AKAP9: variants seen among roughly 807,000 people sequenced by gnomAD.
AKAP9 encodes the protein A-kinase anchor protein 9.
AKAP9 carries 311 observed loss-of-function variants against 488.5 expected under a neutral mutation model. That is an observed-to-expected ratio of 0.64 (90% CI 0.58 to 0.70). The LOEUF is 0.70. Ranked by LOEUF, AKAP9 falls within the 30% of genes least tolerant of loss-of-function variation. The pLI is 0.00. For missense variants in AKAP9, 4,215 were observed against 4,374.5 expected (o/e 0.96, Z 1.03); for synonymous variants, 1,462 against 1,483.5 (o/e 0.99, Z 0.33).
chr7:92,061,196 A>G (rs1809719292), intron 22 of AKAP9, 64 bp from the exon 23 acceptor site: 1 of 1,572,266 alleles, frequency 6.4e-7, no homozygotes, highest in Admixed American at 1.7e-5. Context: ...CAGCTTTAAT[A>G]GGGAATGAAA....
intron 1 of AKAP9, among the ~76,000 whole-genome samples, chr7:91,953,231 G>A (rs1285527919): frequency 6.6e-6 from 1 of 152,114 alleles, no homozygotes; most frequent in Non-Finnish European, 1.5e-5. Context: ...ATGGAGAGGA[G>A]GTTTCTGTTA....
In AKAP9 at chr7:92,001,389, T is replaced by C. The variant is rs1420829077; in HGVS notation, c.1472T>C (p.Met491Thr). The C allele has an allele frequency of 6.2e-6, 10 of 1,613,816 alleles. No homozygotes were observed. Among genetic ancestry groups the C allele is most frequent in the South Asian group, 1.1e-5 (1 of 91,076 alleles). The change falls in exon 8 of 50, where the codon ATG (methionine) becomes ACG (threonine). Residue 491 changes from methionine to threonine, a missense_variant. By Grantham distance (81) the Met-to-Thr change is moderately conservative. Around this residue, in one of 5 missense-constraint regions of AKAP9, gnomAD observed 2,361 missense variants for 2,430.0 expected, o/e 0.97. Transcript: ENST00000356239. Reference sequence around the variant, plus strand: ...GTTAATGAAGATCAGATAAAGTTAATGAATGTGGCAATAAATGAACTGAAT... The same window carrying C: ...GTTAATGAAGATCAGATAAAGTTAACGAATGTGGCAATAAATGAACTGAAT... ...ITVNEDQIKL[M>T]NVAINELNIK...
chr7:91,972,664 A>G (rs7806184), intron 1 of AKAP9, among the ~76,000 whole-genome samples: 60,768 of 152,072 alleles, frequency 0.4, 12,440 homozygotes, highest in African/African-American at 0.46. Flanking sequence ...AGCGAAGGCA[A>G]CTTGCTTCTG....
In AKAP9 at chr7:91,994,614, C is replaced by T; in HGVS notation, c.577-7C>T. 6.2e-7 allele frequency: 1 copy of T among 1,609,034 alleles called. No individual in the cohort carries two copies. The highest frequency in any genetic ancestry group is 1.1e-5 in the South Asian group (1 of 89,852). Reference sequence around the variant, plus strand: ...AAATAAATCTAGCACTTACTATTTTCTTTCAGTTACAAGAATTTGAAGCTG... The same window carrying T: ...AAATAAATCTAGCACTTACTATTTTTTTTCAGTTACAAGAATTTGAAGCTG... On this transcript the variant is annotated splice_polypyrimidine_tract_variant and splice_region_variant and intron_variant, in intron 5 of 49. Coordinates refer to ENST00000356239, the MANE Select transcript of AKAP9 (RefSeq NM_005751.5).
At chr7:92,057,344 T>C (rs1389917639) in intron 22 of AKAP9, among the ~76,000 whole-genome samples, 3 of 152,114 alleles carry the variant, frequency 2.0e-5, no homozygotes, top group African/African-American at 7.2e-5. Flanking sequence ...TTCACATTTT[T>C]AAATTAAAGC....
At position 92,084,829 on chromosome 7, in the gene AKAP9, A is replaced by G; in HGVS notation, c.8721A>G (p.Ser2907=). The change falls in exon 35 of 50, where the codon TCA becomes TCG. Residue 2907 remains serine (S), a synonymous_variant. Transcript: ENST00000356239. ...TREICSSDSG[S]DWGQGIYLTH... ...TTTTCTTTATTTTAGATTCTGGATCAGACTGGGGTCAGGGAATTTATCTTA... is the reference window on the plus strand; with the variant it reads ...TTTTCTTTATTTTAGATTCTGGATCGGACTGGGGTCAGGGAATTTATCTTA... 2 of 1,613,324 alleles carry G rather than the reference A, an allele frequency of 1.2e-6. No homozygotes were observed. The highest frequency in any genetic ancestry group is 1.7e-4 in the Middle Eastern group (1 of 6,058).
At chr7:92,094,967 C>G (rs1192118186) in intron 39 of AKAP9, 56 bp from the exon 40 acceptor site, 22 of 1,549,684 alleles carry the variant, frequency 1.4e-5, no homozygotes, top group Non-Finnish European at 1.9e-5. Context: ...TTCTCTCTCT[C>G]ATTATATGCT....
At chr7:91,942,671 T>C (rs1790922296) in intron 1 of AKAP9, among the ~76,000 whole-genome samples, 4 of 152,202 alleles carry the variant, frequency 2.6e-5, no homozygotes, top group Non-Finnish European at 5.9e-5. Flanking sequence ...CAAAACATGG[T>C]TTACTTTGGA....
At chr7:92,103,251 G>A (rs974437879) in intron 46 of AKAP9, among the ~76,000 whole-genome samples, 17 of 151,946 alleles carry the variant, frequency 1.1e-4, no homozygotes, top group African/African-American at 3.6e-4. Flanking sequence ...TTAGCTGGGC[G>A]TAGTGGCAGG....
intron 16 of AKAP9, among the ~76,000 whole-genome samples, chr7:92,033,442 CTTTTT>C (rs35497475): frequency 9.3e-6 from 1 of 107,348 alleles, no homozygotes; most frequent in African/African-American, 3.6e-5. Flanking sequence ...CTTTTCTTTT[CTTTTT>C]TTTTTTTTTT....
At chr7:92,007,788 T>C (rs1318092355) in intron 8 of AKAP9, among the ~76,000 whole-genome samples, 1 of 152,170 alleles carries the variant, frequency 6.6e-6, no homozygotes, top group African/African-American at 2.4e-5. Flanking sequence ...TAGTAATTGG[T>C]GTATAGTTTA....
chr7:91,980,322 T>C lies in AKAP9; in HGVS notation c.340T>C (p.Cys114Arg), dbSNP rs1479783890. The part of the protein sequence containing the change: ...ESEISTTADD[C>R]SSEVNGCSFV... ...TGAAATTTCAACCACAGCAGATGACTGCAGTTCAGAGGTAAGACTAAATTA... is the reference window on the plus strand; with the variant it reads ...TGAAATTTCAACCACAGCAGATGACCGCAGTTCAGAGGTAAGACTAAATTA... The change falls in exon 3 of 50, where the codon TGC becomes CGC. Residue 114 changes from cysteine (C) to arginine (R), a missense_variant. Cys to Arg is a radical substitution (Grantham distance 180). Coordinates refer to ENST00000356239, the MANE Select transcript of AKAP9 (RefSeq NM_005751.5). The C allele has an allele frequency of 2.5e-6, 4 of 1,575,720 alleles. No homozygotes were observed. The East Asian group carries it at 9.0e-5, about 36-fold the overall frequency.
chr7:92,100,813 C>A (rs201729046), intron 44 of AKAP9, 43 bp from the exon 45 acceptor site: 2 of 1,608,740 alleles, frequency 1.2e-6, no homozygotes, highest in Admixed American at 1.7e-5. Flanking sequence ...TTAGCTCAGA[C>A]TTTTCTTCAG....
intron 1 of AKAP9, among the ~76,000 whole-genome samples, chr7:91,945,588 T>C (rs1791367834): frequency 6.6e-6 from 1 of 152,130 alleles, no homozygotes; most frequent in Non-Finnish European, 1.5e-5. Context: ...CTGCTGCTTG[T>C]TGGTTGTTTT....
Position 92,079,971 on chromosome 7 carries a change from G to C in AKAP9, c.7838G>C (p.Ser2613Thr). 1 of 1,584,216 alleles carries C rather than the reference G, an allele frequency of 6.3e-7. No homozygotes were observed. Among genetic ancestry groups the C allele is most frequent in the South Asian group, 1.2e-5 (1 of 84,470 alleles). The change falls in exon 31 of 50, where the codon AGC (serine) becomes ACC (threonine). Residue 2613 changes from serine (S) to threonine (T), a missense_variant. By Grantham distance (58) the Ser-to-Thr change is moderately conservative. Around this residue, in one of 5 missense-constraint regions of AKAP9, gnomAD observed 1,476 missense variants for 1,477.4 expected, o/e 1.00. Coordinates refer to ENST00000356239, the MANE Select transcript of AKAP9 (RefSeq NM_005751.5). ...ACCTTGAGAATATCAGAATTAGAAA[G>C]CCAGGTTGTTGAAATGCATACTAGT... is the stretch of plus-strand genomic sequence containing the variant. ...ALTLRISELE[S>T]QVVEMHTSLI... is the part of the protein sequence containing the mutation.
intron 5 of AKAP9, among the ~76,000 whole-genome samples, chr7:91,993,428 G>A (rs769363431): frequency 6.6e-6 from 1 of 151,986 alleles, no homozygotes; most frequent in Non-Finnish European, 1.5e-5. Context: ...AGGATTACAG[G>A]CGTGAGCTAC....
intron 1 of AKAP9, among the ~76,000 whole-genome samples, chr7:91,953,028 G>A (rs368019571): frequency 5.3e-5 from 8 of 152,304 alleles, no homozygotes; most frequent in South Asian, 4.1e-4. Context: ...AGCTAGATTT[G>A]CATTTTAGAT....
At chr7:92,077,479 A>G (rs1222890813) in intron 29 of AKAP9, among the ~76,000 whole-genome samples, 1 of 152,144 alleles carries the variant, frequency 6.6e-6, no homozygotes, top group African/African-American at 2.4e-5. Context: ...ATTTGCATAC[A>G]GCTTATTTTC....
In AKAP9 at chr7:92,043,292, G is replaced by A. The variant is rs1201350652; in HGVS notation, c.5162+521G>A. On this transcript the variant is annotated intron_variant, in intron 20 of 49. Transcript: ENST00000356239. Reference sequence around the variant, plus strand: ...AACCTCCTTCCTCAGCTTGCATGGAGGAATTTGGCCCCTAAGATTTTGGCT... The same window carrying A: ...AACCTCCTTCCTCAGCTTGCATGGAAGAATTTGGCCCCTAAGATTTTGGCT... 3 of 994,124 alleles carry A rather than the reference G, an allele frequency of 3.0e-6. No individual in the cohort carries two copies. In the African/African-American group the frequency reaches 5.2e-5, roughly 17 times the overall value. 61.6% of individuals were successfully genotyped at this position (994,124 alleles called of 1,614,324 possible).
Sources: allele counts gnomAD v4.1 joint callset (sites outside exome capture counted in the v4.1 genomes callset), GRCh38; gene constraint gnomAD v4.1.1; regional missense constraint gnomAD v4.1.1; transcripts MANE v1.5; gene names NCBI Gene and HGNC (gene_info 2026-07-23, HGNC 2026-07-21).